Variants in MYH13 observed in about 807,000 individuals in gnomAD.
MYH13 encodes myosin heavy chain 13, also known as myosin-13.
A neutral mutation model predicts 232.1 loss-of-function variants in MYH13; 177 were observed. The ratio of observed to expected loss-of-function variants is 0.76; its 90% CI spans 0.67 to 0.86. The LOEUF (loss-of-function observed/expected upper bound fraction) is 0.86, where lower values mean the gene tolerates loss of function less well. Among genes scored for constraint, MYH13 ranks in the 40% least tolerant of loss-of-function variants. The pLI, the probability that MYH13 is intolerant of heterozygous loss-of-function variation, is 0.00. For missense variants in MYH13, 2,246 were observed against 2,405.9 expected, an observed-to-expected ratio of 0.93 and a Z score of 1.39; for synonymous variants, 884 against 923.5, an observed-to-expected ratio of 0.96 and a Z score of 0.78.
chr17:10,339,763 G>A (rs1037408051), intron 18 of MYH13, among the ~76,000 whole-genome samples: 1 of 152,144 alleles, frequency 6.6e-6, no homozygotes, highest in Non-Finnish European at 1.5e-5. Context: ...TCCAAATATT[G>A]CATAGGTCAC....
intron 21 of MYH13, among the ~76,000 whole-genome samples, chr17:10,328,440 G>A (rs909918254): frequency 6.6e-5 from 10 of 152,190 alleles, no homozygotes; most frequent in African/African-American, 9.7e-5. Context: ...TCAATGCAAG[G>A]AATAGCTTTC....
chr17:10,311,024 C>T (rs1156739273), intron 33 of MYH13, 79 bp downstream of exon 33: 1 of 1,567,912 alleles, frequency 6.4e-7, no homozygotes, highest in African/African-American at 1.4e-5. Context: ...GCAGGAAAGG[C>T]CCCATGGGGT....
At chr17:10,337,210 C>T (rs1048022186) in intron 18 of MYH13, among the ~76,000 whole-genome samples, 4 of 152,198 alleles carry the variant, frequency 2.6e-5, no homozygotes, top group South Asian at 4.1e-4. Context: ...CATGCCCGGG[C>T]GTGACTGTCT....
At position 10,333,167 on chromosome 17, in the gene MYH13, A is replaced by G. The variant is rs1422509351; in HGVS notation, c.2081T>C (p.Met694Thr). The G allele has an allele frequency of 1.9e-6, 3 of 1,551,284 alleles. No homozygotes were observed. The highest frequency in any genetic ancestry group is 2.4e-5 in the East Asian group (1 of 40,928). ...TPGVMDHYLV[M>T]HQLRCNGVLE... ...GACCCCGTTACAGCGCAGCTGGTGC[A>G]TGACCAAGTAGTGGTCCATCACACC... is the stretch of plus-strand genomic sequence containing the variant. Residue 694 changes from methionine to threonine, a missense_variant, in exon 19 of 41, where the codon ATG becomes ACG. Transcript: ENST00000252172.
chr17:10,372,397 C>T (rs1053212515), intron 1 of MYH13, among the ~76,000 whole-genome samples: 5 of 152,240 alleles, frequency 3.3e-5, no homozygotes, highest in African/African-American at 1.2e-4. Context: ...TTCAAAGTAT[C>T]ACAAATCTCT....
chr17:10,323,967 G>A, intron 23 of MYH13, 55 bp downstream of exon 23: 1 of 1,564,514 alleles, frequency 6.4e-7, no homozygotes, highest in Non-Finnish European at 8.7e-7. Context: ...CCTCCTTACA[G>A]AGAGAGAGAG....
At chr17:10,321,363 C>T (rs895800875) in intron 24 of MYH13, among the ~76,000 whole-genome samples, 169 bp downstream of exon 24, 1 of 152,158 alleles carries the variant, frequency 6.6e-6, no homozygotes, top group African/African-American at 2.4e-5. Flanking sequence ...GGGTAAGCAG[C>T]TTGCTCAGTA....
intron 29 of MYH13, among the ~76,000 whole-genome samples, chr17:10,314,833 C>T (rs1248211347): frequency 6.6e-6 from 1 of 152,224 alleles, no homozygotes; most frequent in Non-Finnish European, 1.5e-5. Flanking sequence ...TGGGGACAAA[C>T]TATTCTTGCC....
chr17:10,355,059 G>A (rs754565640), intron 9 of MYH13, 25 bp downstream of exon 9: 2 of 1,608,298 alleles, frequency 1.2e-6, no homozygotes, highest in South Asian at 1.1e-5. Context: ...AAACACCAAC[G>A]GATTTATAGA....
chr17:10,346,712 C>A lies in MYH13; in HGVS notation c.1231G>T (p.Glu411Ter). ...ACATTTTGCCCTTTAGTGACATATT[C>A]ATTGCCAACCTTCACCCTTGGACAG... Reference protein sequence around the residue: ...LCCPRVKVGNEYVTKGQNVQQ... With the variant: ...LCCPRVKVGN Residue 411 changes from glutamate to a stop codon, truncating the protein, a stop_gained, in exon 13 of 41, where the codon GAA (glutamate) becomes TAA (stop). Transcript: ENST00000252172. LOFTEE classifies it high-confidence loss of function. The A allele has an allele frequency of 6.2e-7, 1 of 1,613,938 alleles. No individual in the cohort carries two copies. The highest frequency in any genetic ancestry group is 8.5e-7 in the Non-Finnish European group (1 of 1,179,842).
chr17:10,330,401 C>T lies in MYH13; in HGVS notation c.2421G>A (p.Lys807=). 1 of 1,599,518 alleles carries T rather than the reference C, an allele frequency of 6.3e-7. No homozygotes were observed. Among genetic ancestry groups the T allele is most frequent in the Non-Finnish European group, 8.6e-7 (1 of 1,166,636 alleles). Residue 807 remains lysine, a synonymous_variant, in exon 21 of 41, where the codon AAG becomes AAA. Coordinates refer to ENST00000252172, the MANE Select transcript of MYH13 (RefSeq NM_003802.3). ...RGYLMRVEFK[K]MMERRDSIFC... is the part of the protein sequence containing the mutation. ...GTCTGTGTCACCTCCTCTCCATCAT[C>T]TTCTTGAACTCCACCCGCATCAGGT...
chr17:10,335,316 A>G (rs1567665131), intron 18 of MYH13, among the ~76,000 whole-genome samples: 2 of 152,238 alleles, frequency 1.3e-5, no homozygotes, highest in Non-Finnish European at 2.9e-5. Context: ...CCCATCCCCA[A>G]GATAGCTCAT....
At chr17:10,322,444 G>C (rs1229335421) in intron 23 of MYH13, among the ~76,000 whole-genome samples, 1 of 152,070 alleles carries the variant, frequency 6.6e-6, no homozygotes, top group East Asian at 1.9e-4. Flanking sequence ...CGGGAGTGCT[G>C]TGTTATCAGG....
rs562695371 is a variant in MYH13, at chr17:10,315,596, A to G, written c.3984+97T>C. 622 of 1,095,706 alleles carry G rather than the reference A, an allele frequency of 5.7e-4. 2 individuals are homozygous for G. The highest frequency in any genetic ancestry group is 1.7e-3 in the Middle Eastern group (6 of 3,546). 67.9% of individuals were successfully genotyped at this position (1,095,706 alleles called of 1,614,324 possible). ...GGTGTGAGTCACCGTGCCCAGCTGC[A>G]GCAGATTTCTTGATGTAGCACTGCT... On this transcript the variant is annotated intron_variant, in intron 29 of 40. Transcript: ENST00000252172.
rs1459133238 is a variant in MYH13, at chr17:10,320,171, C to G, written c.3330G>C (p.Lys1110Asn). 14 of 1,592,906 alleles carry G rather than the reference C, an allele frequency of 8.8e-6. No homozygotes were observed. Among genetic ancestry groups the G allele is most frequent in the Non-Finnish European group, 1.2e-5 (14 of 1,168,704 alleles). Reference protein sequence around the residue: ...DEQVHSLQFQKKIKELQARIE... With the variant: ...DEQVHSLQFQNKIKELQARIE... ...CTTTTACTTGCAGTTCTTTAATCTT[C>G]TTTTGAAACTGCAAACTGTGGACTT... The change falls in exon 26 of 41, where the codon AAG becomes AAC. Residue 1110 changes from lysine (K) to asparagine (N), a missense_variant. Transcript: ENST00000252172.
At position 10,350,542 on chromosome 17, in the gene MYH13, C is replaced by T. The variant is rs749330099; in HGVS notation, c.1144+14G>A. ...AGATGGACCCAATCGCATCCCTTTC[C>T]CAGATGCAGTTACCTTCGGTGCCGT... On this transcript the variant is annotated intron_variant, in intron 12 of 40. Coordinates refer to ENST00000252172, the MANE Select transcript of MYH13 (RefSeq NM_003802.3). 4.0e-5 allele frequency: 64 copies of T among 1,610,286 alleles called. 3 individuals carry two copies. In the South Asian group the frequency reaches 6.4e-4, roughly 16 times the overall value.
intron 8 of MYH13, among the ~76,000 whole-genome samples, chr17:10,357,101 C>T (rs576177843): frequency 1.0e-3 from 155 of 152,284 alleles, no homozygotes; most frequent in Non-Finnish European, 1.7e-3. Context: ...GCTGGGATTA[C>T]AGGCATGTGC....
chr17:10,312,726 C>T lies in MYH13; in HGVS notation c.4213G>A (p.Glu1405Lys). 1 of 1,613,552 alleles carries T rather than the reference C, an allele frequency of 6.2e-7. No individual in the cohort carries two copies. The highest frequency in any genetic ancestry group is 8.5e-7 in the Non-Finnish European group (1 of 1,179,774). ...GAGTTCGCCGTCTCCGTGTTCTCCT[C>T]TGCTTCCTGGAGCCTCTGGGCCAGT... ...KKLAQRLQEAEENTETANSKC... is the reference protein window; with the variant it reads ...KKLAQRLQEAKENTETANSKC... Residue 1405 changes from glutamate (E) to lysine (K), a missense_variant, in exon 31 of 41, where the codon GAG becomes AAG. Transcript: ENST00000252172.
chr17:10,314,919 T>C (rs374694022), intron 29 of MYH13, among the ~76,000 whole-genome samples: 2 of 152,216 alleles, frequency 1.3e-5, no homozygotes, highest in East Asian at 3.9e-4. Context: ...AAGAAGGTGA[T>C]GATGTTCATG....
Sources: allele counts gnomAD v4.1 joint callset (sites outside exome capture counted in the v4.1 genomes callset), GRCh38; gene constraint gnomAD v4.1.1; transcripts MANE v1.5; gene names NCBI Gene and HGNC (gene_info 2026-07-23, HGNC 2026-07-21).